The following P2RX3 variants were observed in gnomAD, a reference collection of about 807,000 sequenced individuals.
P2RX3 encodes purinergic receptor P2X 3, also known as P2X purinoceptor 3.
A neutral mutation model predicts 51.5 loss-of-function variants in P2RX3; 41 were observed. The ratio of observed to expected loss-of-function variants is 0.80; its 90% confidence interval spans 0.62 to 1.03. The LOEUF (loss-of-function observed/expected upper bound fraction) is 1.03, where lower values mean the gene tolerates loss of function less well. P2RX3 is among the 50% of genes least tolerant of loss of function. The pLI, the probability that P2RX3 is intolerant of heterozygous loss-of-function variation, is 0.00. For missense variants in P2RX3, 459 were observed against 522.1 expected (o/e 0.88, Z 1.18); for synonymous variants, 185 against 191.6 (o/e 0.97, Z 0.29).
intron 1 of P2RX3, among the ~76,000 whole-genome samples, chr11:57,343,326 T>C (rs1856375897): frequency 6.6e-6 from 1 of 152,226 alleles, no homozygotes; most frequent in Admixed American, 6.5e-5. Context: ...GAGACTTTCC[T>C]AAGCCAGGAG....
intron 1 of P2RX3, 92 bp from the exon 2 acceptor site, chr11:57,346,452 C>T: frequency 6.7e-7 from 1 of 1,503,376 alleles, no homozygotes; most frequent in Non-Finnish European, 9.0e-7. Context: ...CAGGCATGGC[C>T]AAGTGTTGGC....
intron 8 of P2RX3, among the ~76,000 whole-genome samples, chr11:57,364,125 C>T (rs758442186): frequency 3.3e-5 from 5 of 152,146 alleles, no homozygotes; most frequent in East Asian, 1.9e-4. Context: ...TAAAGATTTC[C>T]GGATGACAGG....
intron 8 of P2RX3, among the ~76,000 whole-genome samples, chr11:57,358,503 A>G (rs1253562484): frequency 6.6e-6 from 1 of 152,214 alleles, no homozygotes; most frequent in South Asian, 2.1e-4. Flanking sequence ...GTCAGGATGA[A>G]GCAGAAGTAA....
chr11:57,338,803 C>T (rs189360635), intron 1 of P2RX3, 134 bp downstream of exon 1: 29 of 630,174 alleles, frequency 4.6e-5, no homozygotes, highest in Middle Eastern at 9.9e-4. Flanking sequence ...TCTGTGGAGC[C>T]GAGTCTTAAA....
At chr11:57,340,279 G>A (rs927066996) in intron 1 of P2RX3, among the ~76,000 whole-genome samples, 9 of 152,236 alleles carry the variant, frequency 5.9e-5, no homozygotes, top group African/African-American at 1.4e-4. Context: ...AGACCAGCCC[G>A]CTCAGCCCCC....
intron 8 of P2RX3, among the ~76,000 whole-genome samples, chr11:57,365,483 G>A (rs931033275): frequency 3.9e-5 from 6 of 152,320 alleles, no homozygotes; most frequent in Non-Finnish European, 7.3e-5. Flanking sequence ...ACCTGGAAAC[G>A]GAGGCCAAAG....
intron 6 of P2RX3, 39 bp downstream of exon 6, chr11:57,348,743 A>G (rs1565064908): frequency 2.0e-6 from 3 of 1,508,652 alleles, no homozygotes; most frequent in Non-Finnish European, 9.2e-7. Context: ...AGATGCAGGC[A>G]CCCCCGGCCC....
chr11:57,369,756 C>A, intron 11 of P2RX3, 128 bp from the exon 12 acceptor site: 1 of 711,652 alleles, frequency 1.4e-6, no homozygotes, highest in Non-Finnish European at 2.5e-6. Context: ...GCCTTGGGAT[C>A]ACACAGATGT....
Position 57,372,339 on chromosome 11 carries a change from C to A in P2RX3, c.*2342C>A, listed in dbSNP as rs1487714871. Among the ~76,000 whole-genome samples, 3 of 152,154 alleles carry A rather than the reference C, an allele frequency of 2.0e-5. No individual in the cohort carries two copies. The highest frequency in any genetic ancestry group is 2.9e-5 in the Non-Finnish European group (2 of 68,032). Reference sequence around the variant, plus strand: ...GAGTGACAGGGATTGTCTAACTCAACCCCCACTTTACAGAAGAAGAAACAG... The same window carrying A: ...GAGTGACAGGGATTGTCTAACTCAAACCCCACTTTACAGAAGAAGAAACAG... On this transcript the variant is annotated 3_prime_UTR_variant, in exon 12 of 12. Transcript: ENST00000263314.
chr11:57,350,745 C>A lies in P2RX3; in HGVS notation c.706-17C>A. ...CAGAGGGCGAGGGGAAAGCTCATACCCGGCCCGTTTCTTCAGGGGGGAGTT... is the reference window on the plus strand; with the variant it reads ...CAGAGGGCGAGGGGAAAGCTCATACACGGCCCGTTTCTTCAGGGGGGAGTT... On this transcript the variant is annotated splice_polypyrimidine_tract_variant and intron_variant, in intron 7 of 11. Transcript: ENST00000263314. 6.2e-7 allele frequency: 1 copy of A among 1,613,696 alleles called. No homozygotes were observed. Among genetic ancestry groups the A allele is most frequent in the Middle Eastern group, 1.7e-4 (1 of 6,056 alleles).
At chr11:57,342,541 C>T (rs886070357) in intron 1 of P2RX3, among the ~76,000 whole-genome samples, 11 of 151,992 alleles carry the variant, frequency 7.2e-5, no homozygotes, top group African/African-American at 1.7e-4. Context: ...CAATATGGAA[C>T]GTAGAGCACT....
chr11:57,360,745 A>C (rs1056103235), intron 8 of P2RX3, among the ~76,000 whole-genome samples: 1 of 150,746 alleles, frequency 6.6e-6, no homozygotes, highest in Non-Finnish European at 1.5e-5. Flanking sequence ...CAGTGAGCCG[A>C]GATCGCTCCA....
chr11:57,339,345 T>A (rs933997830), intron 1 of P2RX3, among the ~76,000 whole-genome samples: 1 of 152,108 alleles, frequency 6.6e-6, no homozygotes, highest in Non-Finnish European at 1.5e-5. Context: ...AAGGAGCTTT[T>A]CTGAACATAG....
At chr11:57,353,509 C>T (rs1008382452) in intron 8 of P2RX3, among the ~76,000 whole-genome samples, 4 of 152,044 alleles carry the variant, frequency 2.6e-5, no homozygotes, top group African/African-American at 9.7e-5. Flanking sequence ...CTTGTTAATC[C>T]TCAGAAAAAA....
chr11:57,370,139 G>T lies in P2RX3; in HGVS notation c.*142G>T. 1.6e-6 allele frequency: 1 copy of T among 633,676 alleles called. No homozygotes were observed. The highest frequency in any genetic ancestry group is 2.8e-6 in the Non-Finnish European group (1 of 360,806). 39.3% of individuals were successfully genotyped at this position (633,676 alleles called of 1,614,324 possible). On this transcript the variant is annotated 3_prime_UTR_variant, in exon 12 of 12. Coordinates refer to ENST00000263314, the MANE Select transcript of P2RX3 (RefSeq NM_002559.5). Reference sequence around the variant, plus strand: ...AGCATAGCTGGGACCCAAGTGTCTGGGCCTCCGACTGCTCCAGCAGACAGG... The same window carrying T: ...AGCATAGCTGGGACCCAAGTGTCTGTGCCTCCGACTGCTCCAGCAGACAGG...
intron 8 of P2RX3, 42 bp downstream of exon 8, chr11:57,350,940 G>A: frequency 6.2e-7 from 1 of 1,613,052 alleles, no homozygotes; most frequent in Non-Finnish European, 8.5e-7. Context: ...AGAAGGTGCG[G>A]GCTGTTAACG....
At chr11:57,337,024 G>T (rs1180080866), upstream of P2RX3, among the ~76,000 whole-genome samples, 1 of 152,212 alleles carries the variant, frequency 6.6e-6, no homozygotes, top group African/African-American at 2.4e-5. Flanking sequence ...AGGCACGGTG[G>T]CTCACACCTG....
At chr11:57,365,494 C>T (rs957463281) in intron 8 of P2RX3, among the ~76,000 whole-genome samples, 2 of 152,186 alleles carry the variant, frequency 1.3e-5, no homozygotes, top group African/African-American at 2.4e-5. Context: ...GAGGCCAAAG[C>T]GGTCTTTGCA....
At chr11:57,361,376 G>A (rs1011262243) in intron 8 of P2RX3, among the ~76,000 whole-genome samples, 2 of 151,942 alleles carry the variant, frequency 1.3e-5, no homozygotes, top group Non-Finnish European at 2.9e-5. Flanking sequence ...GTAGTTTGCC[G>A]CACAATAAAC....
Sources: allele counts gnomAD v4.1 joint callset (sites outside exome capture counted in the v4.1 genomes callset), GRCh38; gene constraint gnomAD v4.1.1; transcripts MANE v1.5; gene names NCBI Gene and HGNC (gene_info 2026-07-23, HGNC 2026-07-21).